The following GLP1R variants were observed in gnomAD, a reference collection of about 807,000 sequenced individuals.
GLP1R encodes glucagon-like peptide 1 receptor.
In GLP1R, 32 loss-of-function variants were observed where a neutral mutation model predicts 68.4. The observed-to-expected ratio is 0.47, with a 90% confidence interval of 0.35 to 0.63. GLP1R has a LOEUF of 0.63. Ranked by LOEUF, GLP1R falls within the 20% of genes least tolerant of loss-of-function variation. GLP1R has a pLI of 0.00. For synonymous variants in GLP1R, 263 were observed against 244.4 expected (o/e 1.08, Z -0.71); for missense variants, 502 against 594.9 (o/e 0.84, Z 1.62).
In GLP1R at chr6:39,079,891, T is replaced by C. The variant is rs1768948856; in HGVS notation, c.1182+189T>C. Among the ~76,000 whole-genome samples, 1 of 152,144 alleles carries C rather than the reference T, an allele frequency of 6.6e-6. No individual in the cohort carries two copies. The highest frequency in any genetic ancestry group is 1.5e-5 in the Non-Finnish European group (1 of 68,024). On this transcript the variant is annotated intron_variant, in intron 11 of 12. Coordinates refer to ENST00000373256, the MANE Select transcript of GLP1R (RefSeq NM_002062.5). The surrounding 1 kb of genome is among the most constrained non-coding windows in gnomAD (Gnocchi z 4.5). Reference sequence around the variant, plus strand: ...AGGTGTCCCAATACCTGGGCCAGTCTTCTCTGTAAGCACATGGGACAAGAA... The same window carrying C: ...AGGTGTCCCAATACCTGGGCCAGTCCTCTCTGTAAGCACATGGGACAAGAA...
chr6:39,086,172 C>G lies in GLP1R; in HGVS notation c.*99C>G, dbSNP rs1583656199. The G allele has an allele frequency of 3.0e-6, 1 of 334,008 alleles. No homozygotes were observed. Among genetic ancestry groups the G allele is most frequent in the Non-Finnish European group, 5.2e-6 (1 of 193,362 alleles). 20.7% of individuals were successfully genotyped at this position (334,008 alleles called of 1,614,324 possible). On this transcript the variant is annotated 3_prime_UTR_variant, in exon 13 of 13. Coordinates refer to ENST00000373256, the MANE Select transcript of GLP1R (RefSeq NM_002062.5). This position sits in a 1 kb window ranked among gnomAD's most constrained non-coding sequence, Gnocchi z 4.5. ...AGGGACAAGGGAAGGAAGGGACACACACACACACACACACACACACACACA... is the reference window on the plus strand; with the variant it reads ...AGGGACAAGGGAAGGAAGGGACACAGACACACACACACACACACACACACA...
At chr6:39,076,466 C>T (rs1768831548) in intron 7 of GLP1R, among the ~76,000 whole-genome samples, 1 of 152,158 alleles carries the variant, frequency 6.6e-6, no homozygotes, top group South Asian at 2.1e-4. Flanking sequence ...TGCTGGTCCG[C>T]TGGGGGCTCC....
rs1007025928 is a variant in GLP1R at position 39,049,133 on chromosome 6, C to T, written c.78+215C>T. The stretch of plus-strand genomic sequence containing the variant: ...TTGGACTACAGAGGATTCCCCCCAA[C>T]CCCAGCGAGGCGCCCTCTTCCTCGC... On this transcript the variant is annotated intron_variant, in intron 1 of 12. Transcript: ENST00000373256. The surrounding 1 kb of genome is among the most constrained non-coding windows in gnomAD (Gnocchi z 4.5). Among the ~76,000 whole-genome samples the T allele has an allele frequency of 4.6e-5, 7 of 152,162 alleles. No homozygotes were observed. The highest frequency in any genetic ancestry group is 4.6e-4 in the Admixed American group (7 of 15,282).
At position 39,066,296 on chromosome 6, in the gene GLP1R, G is replaced by C. The variant is rs6923761; in HGVS notation, c.502G>C (p.Gly168Arg). 1.0e-5 allele frequency: 16 copies of C among 1,597,774 alleles called. No individual in the cohort carries two copies. Among genetic ancestry groups the C allele is most frequent in the Non-Finnish European group, 1.4e-5 (16 of 1,165,396 alleles). Residue 168 changes from glycine (G) to arginine (R), a missense_variant, in exon 5 of 13, where the codon GGC (glycine) becomes CGC (arginine). Gly to Arg is a moderately radical substitution (Grantham distance 125). Transcript: ENST00000373256. ...GGTTATCGCCTCTGCGATCCTCCTC[G>C]GCTTCAGGTAAGGTGGCCCGGACCC... ...ALVIASAILL[G>R]FRHLHCTRNY...
intron 8 of GLP1R, 113 bp from the exon 9 acceptor site, chr6:39,078,844 G>A: frequency 2.2e-6 from 2 of 889,560 alleles, no homozygotes; most frequent in Non-Finnish European, 3.7e-6. Flanking sequence ...CCTGGGAGCT[G>A]TGTGTGTGGC....
At position 39,072,884 on chromosome 6, in the gene GLP1R, T is replaced by A; in HGVS notation, c.532T>A (p.Tyr178Asn). The part of the protein sequence containing the change: ...GFRHLHCTRN[Y>N]IHLNLFASFI... ...CAGACACCTGCACTGCACCAGGAACTACATCCACCTGAACCTGTTTGCATC... is the reference window on the plus strand; with the variant it reads ...CAGACACCTGCACTGCACCAGGAACAACATCCACCTGAACCTGTTTGCATC... Residue 178 changes from tyrosine (Y) to asparagine (N), a missense_variant, in exon 6 of 13, where the codon TAC (tyrosine) becomes AAC (asparagine). Coordinates refer to ENST00000373256, the MANE Select transcript of GLP1R (RefSeq NM_002062.5). 1 of 1,614,192 alleles carries A rather than the reference T, an allele frequency of 6.2e-7. No individual in the cohort carries two copies. Among genetic ancestry groups the A allele is most frequent in the Non-Finnish European group, 8.5e-7 (1 of 1,180,006 alleles).
At chr6:39,063,961 A>ACACCCC (rs1217789430) in intron 3 of GLP1R, among the ~76,000 whole-genome samples, 15 of 104,920 alleles carry the variant, frequency 1.4e-4, no homozygotes. Flanking sequence ...ACACACACAC[A>ACACCCC]CCCCACATTA....
At chr6:39,063,920 A>G (rs554654157) in intron 3 of GLP1R, among the ~76,000 whole-genome samples, 2 of 137,726 alleles carry the variant, frequency 1.5e-5, no homozygotes, top group Non-Finnish European at 3.1e-5. Flanking sequence ...ACACACACAG[A>G]CACATAACAC....
chr6:39,078,309 C>G lies in GLP1R; in HGVS notation c.824-13C>G. ...CCAGCCCCTCTCCCCTTCTGTCTTT[C>G]CCTCTCTCTTAGGTGTTCCCCTGCT... On this transcript the variant is annotated splice_polypyrimidine_tract_variant and intron_variant, in intron 7 of 12. Transcript: ENST00000373256. 1 of 1,605,310 alleles carries G rather than the reference C, an allele frequency of 6.2e-7. No individual in the cohort carries two copies. Among genetic ancestry groups the G allele is most frequent in the Non-Finnish European group, 8.5e-7 (1 of 1,172,010 alleles).
At chr6:39,048,981 G>T in intron 1 of GLP1R, 63 bp downstream of exon 1, 1 of 665,438 alleles carries the variant, frequency 1.5e-6, no homozygotes, top group Non-Finnish European at 2.3e-6. Context: ...TGCAGGCGCA[G>T]TGTCCTGGTG....
intron 1 of GLP1R, among the ~76,000 whole-genome samples, chr6:39,051,788 C>T (rs1247709062): frequency 1.3e-5 from 2 of 151,814 alleles, no homozygotes; most frequent in Non-Finnish European, 2.9e-5. Context: ...GGGAATGAGT[C>T]CCTGTGTGTG....
At chr6:39,060,192 C>G (rs1768325052) in intron 3 of GLP1R, among the ~76,000 whole-genome samples, 1 of 152,164 alleles carries the variant, frequency 6.6e-6, no homozygotes, top group South Asian at 2.1e-4. Flanking sequence ...TGACCCCCAC[C>G]CAGGTGTGTG....
chr6:39,058,206 G>A lies in GLP1R; in HGVS notation c.283+627G>A, dbSNP rs529698763. On this transcript the variant is annotated intron_variant, in intron 3 of 12. Transcript: ENST00000373256. The stretch of plus-strand genomic sequence containing the variant: ...GGGTGGGGACAGACTCTTGCGGGGA[G>A]GGAAGCTACCCAGGGTGTCTGCTGT... Among the ~76,000 whole-genome samples, 8 of 152,304 alleles carry A rather than the reference G, an allele frequency of 5.3e-5. No individual in the cohort carries two copies. In the South Asian group the frequency reaches 8.3e-4, roughly 16 times the overall value.
intron 1 of GLP1R, among the ~76,000 whole-genome samples, chr6:39,050,009 G>A (rs1353779747): frequency 2.0e-5 from 3 of 152,184 alleles, no homozygotes. Context: ...TTGCCTTGGT[G>A]AGGGCAGACT....
rs10305441 is a variant in GLP1R, at chr6:39,057,063, G to A, written c.176-409G>A. On this transcript the variant is annotated intron_variant, in intron 2 of 12. Coordinates refer to ENST00000373256, the MANE Select transcript of GLP1R (RefSeq NM_002062.5). ...TAATTATAACACGTGACCTAAAGAA[G>A]GTTATCTTAAGTGAGATCAGAAGGA... Among the ~76,000 whole-genome samples the A allele has an allele frequency of 0.012, 1,821 of 152,294 alleles. 113 individuals are homozygous for A. In the East Asian group the frequency reaches 0.17, roughly 14 times the overall value.
chr6:39,080,563 T>C lies in GLP1R; in HGVS notation c.1183-135T>C, dbSNP rs1313501868. 4.9e-6 allele frequency: 3 copies of C among 606,484 alleles called. No individual in the cohort carries two copies. In the African/African-American group the frequency reaches 5.8e-5, roughly 12 times the overall value. 37.6% of individuals were successfully genotyped at this position (606,484 alleles called of 1,614,324 possible). On this transcript the variant is annotated intron_variant, in intron 11 of 12. Transcript: ENST00000373256. The stretch of plus-strand genomic sequence containing the variant: ...AATGAGAGGGAAGCCACTGCCCCAT[T>C]CCTGGATCTGCCTGGGCCGCTGGAT...
chr6:39,050,522 C>T (rs532826190), intron 1 of GLP1R, among the ~76,000 whole-genome samples: 1 of 152,192 alleles, frequency 6.6e-6, no homozygotes, highest in East Asian at 1.9e-4. Context: ...AAGGCAAAAG[C>T]TGGGCATCCT....
chr6:39,083,251 TC>T (rs758260292), intron 12 of GLP1R, among the ~76,000 whole-genome samples: 7 of 152,116 alleles, frequency 4.6e-5, no homozygotes, highest in Non-Finnish European at 7.4e-5. Context: ...ACCAGCCAGT[TC>T]CTTTAAACCC....
At chr6:39,082,831 G>A (rs1769040153) in intron 12 of GLP1R, among the ~76,000 whole-genome samples, 1 of 152,068 alleles carries the variant, frequency 6.6e-6, no homozygotes. Context: ...GCTCCCTGCT[G>A]CCACCTTGTC....
Sources: allele counts gnomAD v4.1 joint callset (sites outside exome capture counted in the v4.1 genomes callset), GRCh38; gene constraint gnomAD v4.1.1; non-coding constraint Gnocchi (gnomAD v3.1); transcripts MANE v1.5; gene names NCBI Gene and HGNC (gene_info 2026-07-23, HGNC 2026-07-21).